Variants in CENPC observed in about 807,000 individuals in gnomAD.
CENPC encodes centromere protein C.
Under a neutral mutation model 112.1 loss-of-function variants are expected in CENPC, and 63 were observed. The ratio of observed to expected loss-of-function variants is 0.56; its 90% CI spans 0.46 to 0.69. The LOEUF (loss-of-function observed/expected upper bound fraction) is 0.69. CENPC is among the 30% of genes least tolerant of loss of function. CENPC has a pLI of 0.00. For missense variants in CENPC, 1,000 were observed against 1,103.8 expected (o/e 0.91, Z 1.33); for synonymous variants, 333 against 367.6 (o/e 0.91, Z 1.08).
chr4:67,513,587 C>T (rs1725960056), intron 8 of CENPC, among the ~76,000 whole-genome samples: 1 of 152,090 alleles, frequency 6.6e-6, no homozygotes, highest in Non-Finnish European at 1.5e-5. Context: ...TATTATTCTA[C>T]AGAACCCACC....
chr4:67,503,029 C>T (rs1431375748), intron 12 of CENPC, among the ~76,000 whole-genome samples: 1 of 152,172 alleles, frequency 6.6e-6, no homozygotes, highest in Non-Finnish European at 1.5e-5. Flanking sequence ...CATCAGTCAA[C>T]TCCTAACACA....
intron 5 of CENPC, among the ~76,000 whole-genome samples, chr4:67,527,353 T>A (rs1011720768): frequency 6.6e-6 from 1 of 152,148 alleles, no homozygotes; most frequent in African/African-American, 2.4e-5. Flanking sequence ...TACCTATGAT[T>A]AAAAATTCTC....
chr4:67,500,808 T>C (rs1053880934), intron 12 of CENPC, among the ~76,000 whole-genome samples: 15 of 152,058 alleles, frequency 9.9e-5, no homozygotes, highest in African/African-American at 3.6e-4. Flanking sequence ...AAATAGAAAA[T>C]AATGTGGTAC....
chr4:67,495,054 A>G, intron 13 of CENPC, 105 bp downstream of exon 13: 1 of 1,105,712 alleles, frequency 9.0e-7, no homozygotes, highest in Non-Finnish European at 1.2e-6. Flanking sequence ...CAATTAATCC[A>G]CATAATCGTA....
intron 4 of CENPC, among the ~76,000 whole-genome samples, chr4:67,537,198 A>C (rs1192128421): frequency 1.3e-5 from 2 of 152,198 alleles, no homozygotes; most frequent in African/African-American, 4.8e-5. Flanking sequence ...CTAAAAAAAG[A>C]AAAGTAGAAC....
At chr4:67,499,370 A>G (rs1278655421) in intron 12 of CENPC, among the ~76,000 whole-genome samples, 1 of 152,198 alleles carries the variant, frequency 6.6e-6, no homozygotes, top group Non-Finnish European at 1.5e-5. Context: ...TTTAGTAAAG[A>G]CACCTTCAAT....
At chr4:67,498,118 A>T (rs1249271213) in intron 12 of CENPC, among the ~76,000 whole-genome samples, 1 of 151,760 alleles carries the variant, frequency 6.6e-6, no homozygotes. Flanking sequence ...TTGTAATCCC[A>T]GCTACTCTTG....
At position 67,514,307 on chromosome 4, in the gene CENPC, G is replaced by A; in HGVS notation, c.1211C>T (p.Ser404Phe). ...NYRSTKYEMY[S>F]KNAEKPSRSK... ...TCTAGATGGTTTTTCTGCATTCTTG[G>A]AATACATTTCATATTTTGTAGATCT... The change falls in exon 8 of 19, where the codon TCC becomes TTC. Residue 404 changes from serine (S) to phenylalanine (F), a missense_variant. Ser to Phe is a radical substitution (Grantham distance 155). Transcript: ENST00000273853. 1 of 1,609,892 alleles carries A rather than the reference G, an allele frequency of 6.2e-7. No homozygotes were observed. The highest frequency in any genetic ancestry group is 8.5e-7 in the Non-Finnish European group (1 of 1,177,536).
rs1280250400 is a variant in CENPC, at chr4:67,471,165, C to T, written c.*1440G>A. 3 of 152,162 alleles carry T rather than the reference C, an allele frequency of 2.0e-5. No individual in the cohort carries two copies. Among genetic ancestry groups the T allele is most frequent in the Non-Finnish European group, 2.9e-5 (2 of 68,028 alleles). The allele number at this position is 152,162 out of a possible 1,614,324, so 9.4% of individuals were successfully genotyped here. A position where few individuals can be genotyped will look rare whatever the true frequency, so the allele number is the denominator to read the frequency against. On this transcript the variant is annotated 3_prime_UTR_variant, in exon 19 of 19. Transcript: ENST00000273853. The stretch of plus-strand genomic sequence containing the variant: ...TCCAAATGATTGGCTGACTGCTAAG[C>T]TATGCAGACACAGGAACTACCCCTA...
intron 16 of CENPC, among the ~76,000 whole-genome samples, chr4:67,491,474 TATATATAGAGAGAGAG>T (rs1412099328): frequency 3.1e-4 from 10 of 32,760 alleles, no homozygotes; most frequent in East Asian, 9.2e-4. Context: ...TATATATATA[TATATATAGAGAGAGAG>T]AGAGAGAGAG....
intron 17 of CENPC, among the ~76,000 whole-genome samples, chr4:67,481,832 C>T (rs897600789): frequency 5.3e-5 from 8 of 152,188 alleles, no homozygotes; most frequent in Non-Finnish European, 1.2e-4. Flanking sequence ...CCCTTCCAGA[C>T]ATTGGCTTAG....
At chr4:67,491,466 TATATATATATATATAGAGAGAG>T (rs1487484417) in intron 16 of CENPC, among the ~76,000 whole-genome samples, 9 of 61,312 alleles carry the variant, frequency 1.5e-4, no homozygotes, top group Admixed American at 3.7e-4. Flanking sequence ...TATATATATA[TATATATATATATATAGAGAGAG>T]AGAGAGAGAG....
Position 67,513,407 on chromosome 4 carries a change from G to A in CENPC, c.1444+667C>T, listed in dbSNP as rs545064423. Among the ~76,000 whole-genome samples, 22 of 152,230 alleles carry A rather than the reference G, an allele frequency of 1.4e-4. 1 individual carries two copies. The South Asian group carries it at 4.1e-3, about 29-fold the overall frequency. On this transcript the variant is annotated intron_variant, in intron 8 of 18. Transcript: ENST00000273853. The stretch of plus-strand genomic sequence containing the variant: ...TAACCAATCTAGATACAGAATATAT[G>A]TAAAAATTAGTGTGTAGAATATAGC...
At chr4:67,486,206 G>A (rs952546927) in intron 17 of CENPC, among the ~76,000 whole-genome samples, 2 of 152,028 alleles carry the variant, frequency 1.3e-5, no homozygotes, top group Non-Finnish European at 2.9e-5. Flanking sequence ...TACAAAAATA[G>A]AATGATGAAC....
At chr4:67,498,957 A>G (rs560895539) in intron 12 of CENPC, among the ~76,000 whole-genome samples, 14 of 152,360 alleles carry the variant, frequency 9.2e-5, no homozygotes, top group African/African-American at 3.4e-4. Context: ...TTCTTAAATA[A>G]TAAGACTTAA....
chr4:67,508,556 A>G (rs1725800324), intron 10 of CENPC, among the ~76,000 whole-genome samples: 1 of 151,052 alleles, frequency 6.6e-6, no homozygotes, highest in South Asian at 2.1e-4. Flanking sequence ...TTGGATGACA[A>G]TAATATCTTA....
chr4:67,523,107 T>TGGCA (rs1400073450), intron 5 of CENPC, among the ~76,000 whole-genome samples: 10 of 152,046 alleles, frequency 6.6e-5, no homozygotes, highest in Non-Finnish European at 1.3e-4. Flanking sequence ...AGGTCAGGAC[T>TGGCA]TTAAGACTGG....
chr4:67,472,477 T>G lies in CENPC; in HGVS notation c.*128A>C. 1 of 1,177,204 alleles carries G rather than the reference T, an allele frequency of 8.5e-7. No homozygotes were observed. Among genetic ancestry groups the G allele is most frequent in the South Asian group, 3.4e-5 (1 of 28,990 alleles). The allele number at this position is 1,177,204 out of a possible 1,614,324, so 72.9% of individuals were successfully genotyped here. ...TAGAAATGTTTATCAAATACAAGTC[T>G]ACAGAAAACTGAATAAAATTTTTAT... is the stretch of plus-strand genomic sequence containing the variant. On this transcript the variant is annotated 3_prime_UTR_variant, in exon 19 of 19. Coordinates refer to ENST00000273853, the MANE Select transcript of CENPC (RefSeq NM_001812.4).
chr4:67,514,670 G>T lies in CENPC; in HGVS notation c.848C>A (p.Ala283Glu). The T allele has an allele frequency of 6.2e-7, 1 of 1,606,712 alleles. No individual in the cohort carries two copies. Among genetic ancestry groups the T allele is most frequent in the Non-Finnish European group, 8.5e-7 (1 of 1,176,712 alleles). The change falls in exon 8 of 19, where the codon GCG (alanine) becomes GAG (glutamate). Residue 283 changes from alanine to glutamate, a missense_variant. Physicochemically the swap from Ala to Glu is moderately radical, Grantham distance 107. Coordinates refer to ENST00000273853, the MANE Select transcript of CENPC (RefSeq NM_001812.4). The stretch of plus-strand genomic sequence containing the variant: ...ACACGAATGAGGTGGAGCAGTTGCC[G>T]CATGCCTAACAATGGGACTGAAACA... ...KSESSPIVRH[A>E]ATAPPHSCPP...
Sources: allele counts gnomAD v4.1 joint callset (sites outside exome capture counted in the v4.1 genomes callset), GRCh38; gene constraint gnomAD v4.1.1; transcripts MANE v1.5; gene names NCBI Gene and HGNC (gene_info 2026-07-23, HGNC 2026-07-21).